The following GPAM variants were observed in gnomAD, a reference collection of about 807,000 sequenced individuals.
GPAM encodes the protein glycerol-3-phosphate acyltransferase 1, mitochondrial.
Under a neutral mutation model 105.0 loss-of-function variants are expected in GPAM, and 56 were observed. That is an observed-to-expected ratio of 0.53 (90% CI 0.43 to 0.67). The LOEUF (loss-of-function observed/expected upper bound fraction) is 0.67. Ranked by LOEUF, GPAM falls within the 30% of genes least tolerant of loss-of-function variation. GPAM has a pLI of 0.00. For synonymous variants in GPAM, 368 were observed against 354.4 expected, an observed-to-expected ratio of 1.04 and a Z score of -0.43; for missense variants, 855 against 989.8, an observed-to-expected ratio of 0.86 and a Z score of 1.83.
chr10:112,170,411 G>A (rs1045478321), intron 9 of GPAM, among the ~76,000 whole-genome samples: 1 of 152,232 alleles, frequency 6.6e-6, no homozygotes, highest in South Asian at 2.1e-4. Flanking sequence ...CTGAAGGACA[G>A]GTGAGCTACA....
At chr10:112,163,283 A>C (rs1458385112) in intron 14 of GPAM, among the ~76,000 whole-genome samples, 4 of 152,220 alleles carry the variant, frequency 2.6e-5, no homozygotes, top group African/African-American at 9.6e-5. Flanking sequence ...TCCACGGCTA[A>C]GGCAAAGCTT....
At chr10:112,196,607 T>C (rs1189213997) in intron 1 of GPAM, among the ~76,000 whole-genome samples, 1 of 152,216 alleles carries the variant, frequency 6.6e-6, no homozygotes, top group Non-Finnish European at 1.5e-5. Flanking sequence ...TAAGTAAGCA[T>C]AGCAGGATTG....
intron 12 of GPAM, among the ~76,000 whole-genome samples, chr10:112,165,805 T>C (rs983875386): frequency 1.3e-5 from 2 of 152,198 alleles, no homozygotes; most frequent in Admixed American, 6.5e-5. Flanking sequence ...AAGATTCCCA[T>C]GAATTTTTAT....
rs1237543177 is a variant in GPAM at position 112,149,955 on chromosome 10, A to C, written c.*3595T>G. 1.0e-6 allele frequency: 1 copy of C among 985,600 alleles called. No individual in the cohort carries two copies. The highest frequency in any genetic ancestry group is 1.7e-5 in the African/African-American group (1 of 57,250). 61.1% of individuals were successfully genotyped at this position (985,600 alleles called of 1,614,324 possible). A position where few individuals can be genotyped will look rare whatever the true frequency, so the allele number is the denominator to read the frequency against. ...AGCATAAAAATCAATCAGCATTTCC[A>C]AGTATGTTTTGCTCACAAAATCGCA... On this transcript the variant is annotated 3_prime_UTR_variant, in exon 22 of 22. Transcript: ENST00000348367.
chr10:112,191,208 G>A (rs944590325), intron 1 of GPAM, among the ~76,000 whole-genome samples: 8 of 152,230 alleles, frequency 5.3e-5, no homozygotes, highest in African/African-American at 1.9e-4. Context: ...AGAATGGAAA[G>A]TGTCTTTGTG....
chr10:112,190,874 C>CACACA (rs1847649572), intron 1 of GPAM, among the ~76,000 whole-genome samples: 1 of 152,062 alleles, frequency 6.6e-6, no homozygotes, highest in Non-Finnish European at 1.5e-5. Flanking sequence ...AAAGTGGGCC[C>CACACA]ACACGACAGA....
chr10:112,217,745 A>T (rs763612289), upstream of GPAM, among the ~76,000 whole-genome samples: 1 of 152,176 alleles, frequency 6.6e-6, no homozygotes, highest in Admixed American at 6.5e-5. Context: ...CCTTTCAAAG[A>T]TGAGGTGCTG....
At chr10:112,222,227 ACTTC>A in the GPAM span, among the ~76,000 whole-genome samples, 1 of 152,188 alleles carries the variant, frequency 6.6e-6, no homozygotes, top group Non-Finnish European at 1.5e-5. Flanking sequence ...GAAAGAAAAG[ACTTC>A]CTTCCTACCA....
chr10:112,157,793 C>T (rs1217855742), intron 18 of GPAM, among the ~76,000 whole-genome samples: 1 of 152,136 alleles, frequency 6.6e-6, no homozygotes, highest in Non-Finnish European at 1.5e-5. Context: ...CTGGATGTCA[C>T]GGAATCAAGT....
intron 9 of GPAM, among the ~76,000 whole-genome samples, chr10:112,170,381 C>T (rs1406661087): frequency 6.6e-6 from 1 of 152,182 alleles, no homozygotes; most frequent in Non-Finnish European, 1.5e-5. Flanking sequence ...ACAGGCTGGG[C>T]TAACTACAGC....
At position 112,153,196 on chromosome 10, in the gene GPAM, C is replaced by T; in HGVS notation, c.*354G>A. 1 of 1,125,474 alleles carries T rather than the reference C, an allele frequency of 8.9e-7. No homozygotes were observed. Among genetic ancestry groups the T allele is most frequent in the East Asian group, 6.2e-5 (1 of 16,260 alleles). 69.7% of individuals were successfully genotyped at this position (1,125,474 alleles called of 1,614,324 possible). A position where few individuals can be genotyped will look rare whatever the true frequency, so the allele number is the denominator to read the frequency against. Reference sequence around the variant, plus strand: ...TACCATGTAAGATTCAGTTCCAGAACACAGCTACATTTCTGTGTCCATCAC... The same window carrying T: ...TACCATGTAAGATTCAGTTCCAGAATACAGCTACATTTCTGTGTCCATCAC... On this transcript the variant is annotated 3_prime_UTR_variant, in exon 22 of 22. Transcript: ENST00000348367.
chr10:112,224,244 T>C, the GPAM span, among the ~76,000 whole-genome samples: 3 of 152,356 alleles, frequency 2.0e-5, no homozygotes, highest in East Asian at 3.9e-4. Flanking sequence ...ATCCCAGCCA[T>C]TTAAAATACA....
In GPAM at chr10:112,178,009, T is replaced by G. The variant is rs1410633812; in HGVS notation, c.274A>C (p.Ile92Leu). The G allele has an allele frequency of 3.8e-6, 6 of 1,599,620 alleles. No individual in the cohort carries two copies. Among genetic ancestry groups the G allele is most frequent in the Non-Finnish European group, 5.1e-6 (6 of 1,167,156 alleles). The change falls in exon 5 of 22, where the codon ATT (isoleucine) becomes CTT (leucine). Residue 92 changes from isoleucine to leucine, a missense_variant. Coordinates refer to ENST00000348367, the MANE Select transcript of GPAM (RefSeq NM_001244949.2). ...CTTGTGTGAGTTTCATTGATATAAA[T>G]AACATTCCGCAAACCCAAAGACGGG... is the stretch of plus-strand genomic sequence containing the variant. Reference protein sequence around the residue: ...SIPSLGLRNVIYINETHTRHR... With the variant: ...SIPSLGLRNVLYINETHTRHR...
intron 11 of GPAM, 25 bp downstream of exon 11, chr10:112,168,286 GA>G: frequency 7.6e-7 from 1 of 1,307,876 alleles, no homozygotes; most frequent in Non-Finnish European, 1.1e-6. Flanking sequence ...GATAAGCAAA[GA>G]AAACTTTTGT....
chr10:112,178,483 G>A lies in GPAM; in HGVS notation c.226-426C>T, dbSNP rs1409737245. ...GAGAATTGCTTGAACCTAAGAGACG[G>A]AGGTTGCAGTGAGCCAACACGATGC... On this transcript the variant is annotated intron_variant, in intron 4 of 21. Coordinates refer to ENST00000348367, the MANE Select transcript of GPAM (RefSeq NM_001244949.2). 5.9e-5 allele frequency among the ~76,000 whole-genome samples: 9 copies of A among 152,074 alleles called. No individual in the cohort carries two copies. The South Asian group carries it at 1.5e-3, about 25-fold the overall frequency.
In GPAM at chr10:112,151,160, G is replaced by T; in HGVS notation, c.*2390C>A. On this transcript the variant is annotated 3_prime_UTR_variant, in exon 22 of 22. Coordinates refer to ENST00000348367, the MANE Select transcript of GPAM (RefSeq NM_001244949.2). ...ACAGTCTTCCCCTGAAGAAGGGCATGCATTTCATGTTACAGAAATGCGATA... is the reference window on the plus strand; with the variant it reads ...ACAGTCTTCCCCTGAAGAAGGGCATTCATTTCATGTTACAGAAATGCGATA... 1.0e-6 allele frequency: 1 copy of T among 980,420 alleles called. No individual in the cohort carries two copies. Among genetic ancestry groups the T allele is most frequent in the Non-Finnish European group, 1.2e-6 (1 of 825,372 alleles). The allele number at this position is 980,420 out of a possible 1,614,324, so 60.7% of individuals were successfully genotyped here.
the GPAM span, among the ~76,000 whole-genome samples, chr10:112,221,890 A>G: frequency 1.3e-5 from 2 of 152,230 alleles, no homozygotes; most frequent in Non-Finnish European, 2.9e-5. Context: ...AGATACCACT[A>G]TGTTCATTTC....
At chr10:112,160,895 G>A (rs964526650) in intron 15 of GPAM, 27 bp from the exon 16 acceptor site, 18 of 1,602,040 alleles carry the variant, frequency 1.1e-5, no homozygotes, top group East Asian at 2.2e-5. Flanking sequence ...ACGGTATCAT[G>A]ATGGTGGAAA....
chr10:112,154,472 A>G, intron 21 of GPAM, 157 bp downstream of exon 21: 1 of 665,332 alleles, frequency 1.5e-6, no homozygotes, highest in Non-Finnish European at 2.7e-6. Context: ...AGCCCAACCC[A>G]TCCTACATGC....
Sources: allele counts gnomAD v4.1 joint callset (sites outside exome capture counted in the v4.1 genomes callset), GRCh38; gene constraint gnomAD v4.1.1; transcripts MANE v1.5; gene names NCBI Gene and HGNC (gene_info 2026-07-23, HGNC 2026-07-21).